Variants in UTP6 observed in about 807,000 individuals in gnomAD.
UTP6 encodes the protein UTP6 small subunit processome component.
Under a neutral mutation model 96.5 loss-of-function variants are expected in UTP6, and 60 were observed. The observed-to-expected ratio is 0.62, with a 90% CI of 0.51 to 0.77. UTP6 has a LOEUF of 0.77. Among genes scored for constraint, UTP6 ranks in the 30% least tolerant of loss-of-function variants. The probability of loss-of-function intolerance (pLI) is 0.00; values close to 1 mark genes in which losing one functional copy is unlikely to be tolerated. For synonymous variants in UTP6, 215 were observed against 240.1 expected, an observed-to-expected ratio of 0.90 and a Z score of 0.96; for missense variants, 637 against 706.5, an observed-to-expected ratio of 0.90 and a Z score of 1.12.
At chr17:31,894,012 T>C (rs1904484866) in intron 4 of UTP6, among the ~76,000 whole-genome samples, 1 of 151,880 alleles carries the variant, frequency 6.6e-6, no homozygotes, top group Non-Finnish European at 1.5e-5. Flanking sequence ...AACACTCCCG[T>C]AATCCCAGCA....
rs935798407 is a variant in UTP6 at position 31,873,282 on chromosome 17, C to G, written c.1496+96G>C. On this transcript the variant is annotated intron_variant, in intron 16 of 18. Transcript: ENST00000261708. Reference sequence around the variant, plus strand: ...AAAAAAGAAAAAGTGTATCAGATTACTCCCTCAGATGCTATCTGTGATTCA... The same window carrying G: ...AAAAAAGAAAAAGTGTATCAGATTAGTCCCTCAGATGCTATCTGTGATTCA... 93 of 1,162,142 alleles carry G rather than the reference C, an allele frequency of 8.0e-5. No homozygotes were observed. In the African/African-American group the frequency reaches 1.3e-3, roughly 16 times the overall value. The allele number at this position is 1,162,142 out of a possible 1,614,324, so 72.0% of individuals were successfully genotyped here.
chr17:31,891,476 A>G (rs1911489246), intron 6 of UTP6, among the ~76,000 whole-genome samples: 1 of 152,214 alleles, frequency 6.6e-6, no homozygotes, highest in African/African-American at 2.4e-5. Context: ...CTTGTGTGGT[A>G]TAAGATATCT....
In UTP6 at chr17:31,861,414, G is replaced by A. The variant is rs751523095; in HGVS notation, c.*1945C>T. 1 of 152,150 alleles carries A rather than the reference G, an allele frequency of 6.6e-6. No individual in the cohort carries two copies. Among genetic ancestry groups the A allele is most frequent in the Non-Finnish European group, 1.5e-5 (1 of 68,046 alleles). The allele number at this position is 152,150 out of a possible 1,614,324, so 9.4% of individuals were successfully genotyped here. ...GGATTGTTTGAGCCCAACTGTTTAA[G>A]AGACCAGCCCTGGCAACATAGCAAG... On this transcript the variant is annotated 3_prime_UTR_variant, in exon 19 of 19. Coordinates refer to ENST00000261708, the MANE Select transcript of UTP6 (RefSeq NM_018428.3).
At chr17:31,875,814 C>CT (rs1268909973) in intron 13 of UTP6, among the ~76,000 whole-genome samples, 1 of 139,550 alleles carries the variant, frequency 7.2e-6, no homozygotes, top group East Asian at 2.1e-4. Flanking sequence ...CAGAGCAACT[C>CT]TATCTCAAAA....
intron 2 of UTP6, among the ~76,000 whole-genome samples, chr17:31,897,501 T>C (rs1412364110): frequency 3.5e-5 from 5 of 141,522 alleles, no homozygotes; most frequent in Non-Finnish European, 7.5e-5. Context: ...AGGCTGGGAG[T>C]GCAATGGCAC....
intron 4 of UTP6, 79 bp from the exon 5 acceptor site, chr17:31,892,873 A>T: frequency 6.4e-7 from 1 of 1,558,188 alleles, no homozygotes; most frequent in Admixed American, 1.8e-5. Flanking sequence ...TAATTTTGCT[A>T]AAAACAAGCA....
At position 31,880,660 on chromosome 17, in the gene UTP6, T is replaced by C. The variant is rs765751480; in HGVS notation, c.880A>G (p.Thr294Ala). The change falls in exon 11 of 19, where the codon ACG becomes GCG. Residue 294 changes from threonine to alanine, a missense_variant. Coordinates refer to ENST00000261708, the MANE Select transcript of UTP6 (RefSeq NM_018428.3). ...ACCTCCACTGCTTTGGCTTGTTTCG[T>C]TGTAGGCTGCTCTTCTGTCTGTGAC... The part of the protein sequence containing the change: ...IESQTEEQPT[T>A]KQAKAVEVGR... 7 of 1,614,160 alleles carry C rather than the reference T, an allele frequency of 4.3e-6. No homozygotes were observed. Among genetic ancestry groups the C allele is most frequent in the Non-Finnish European group, 5.9e-6 (7 of 1,180,012 alleles).
intron 1 of UTP6, among the ~76,000 whole-genome samples, chr17:31,900,917 G>A (rs1297234206): frequency 6.6e-6 from 1 of 152,166 alleles, no homozygotes; most frequent in African/African-American, 2.4e-5. Flanking sequence ...TTTCATTAAC[G>A]AATGCTTACT....
chr17:31,883,136 T>G (rs1241429035), intron 10 of UTP6, among the ~76,000 whole-genome samples: 2 of 151,664 alleles, frequency 1.3e-5, no homozygotes, highest in African/African-American at 4.8e-5. Flanking sequence ...GAATTCAAGA[T>G]CAACCTGGGC....
intron 1 of UTP6, among the ~76,000 whole-genome samples, chr17:31,900,512 G>C (rs1057037118): frequency 1.3e-5 from 2 of 151,990 alleles, no homozygotes; most frequent in South Asian, 2.1e-4. Flanking sequence ...GGCTGGTCTC[G>C]AACTCCTGAC....
chr17:31,878,410 C>A, intron 12 of UTP6, 83 bp from the exon 13 acceptor site: 1 of 1,371,484 alleles, frequency 7.3e-7, no homozygotes, highest in South Asian at 1.2e-5. Context: ...AGCAGTTTTG[C>A]GCATTTCTTA....
intron 14 of UTP6, 32 bp downstream of exon 14, chr17:31,875,202 T>C (rs774837972): frequency 3.1e-6 from 5 of 1,610,132 alleles, no homozygotes; most frequent in Non-Finnish European, 4.2e-6. Context: ...GTTTCCCAAA[T>C]ATAATGAATA....
At chr17:31,879,798 C>T (rs114762559) in intron 11 of UTP6, among the ~76,000 whole-genome samples, 4,017 of 151,964 alleles carry the variant, frequency 0.026, 167 homozygotes, top group African/African-American at 0.092. Context: ...GTTAGAAAGC[C>T]AAGACCAAGT....
At chr17:31,867,934 C>G in intron 17 of UTP6, 112 bp downstream of exon 17, 3 of 992,032 alleles carry the variant, frequency 3.0e-6, no homozygotes, top group Non-Finnish European at 4.3e-6. Flanking sequence ...TCCAGCCTGG[C>G]AACAGAGCGA....
At chr17:31,867,922 A>G in intron 17 of UTP6, 124 bp downstream of exon 17, 1 of 820,906 alleles carries the variant, frequency 1.2e-6, no homozygotes, top group Non-Finnish European at 1.8e-6. Flanking sequence ...ACGCCACTGC[A>G]CTCCAGCCTG....
chr17:31,889,113 C>T (rs558193944), intron 7 of UTP6, among the ~76,000 whole-genome samples, 172 bp downstream of exon 7: 1 of 152,038 alleles, frequency 6.6e-6, no homozygotes, highest in African/African-American at 2.4e-5. Context: ...GGCAAAACCC[C>T]GCCTCTACTA....
Position 31,901,527 on chromosome 17 carries a change from C to T in UTP6, c.92+9G>A. On this transcript the variant is annotated intron_variant, in intron 1 of 18. Transcript: ENST00000261708. ...CCTCAGCTCTTCCCTCTCCCCAACC[C>T]TCTCTCACTTAATCTCCGCATGACT... 5.0e-6 allele frequency: 8 copies of T among 1,613,758 alleles called. No homozygotes were observed. Among genetic ancestry groups the T allele is most frequent in the Non-Finnish European group, 6.8e-6 (8 of 1,179,838 alleles).
intron 10 of UTP6, among the ~76,000 whole-genome samples, chr17:31,883,733 G>C (rs1910978042): frequency 6.6e-6 from 1 of 151,830 alleles, no homozygotes; most frequent in Non-Finnish European, 1.5e-5. Context: ...CAGGAGTGGA[G>C]TGGCAGGATC....
At chr17:31,892,025 A>G in intron 6 of UTP6, 1 of 500,604 alleles carries the variant, frequency 2.0e-6, no homozygotes, top group Admixed American at 3.3e-5. Flanking sequence ...TCCGTCTCAA[A>G]AAAAAAAGAA....
Sources: allele counts gnomAD v4.1 joint callset (sites outside exome capture counted in the v4.1 genomes callset), GRCh38; gene constraint gnomAD v4.1.1; transcripts MANE v1.5; gene names NCBI Gene and HGNC (gene_info 2026-07-23, HGNC 2026-07-21).